Variants in ATP9A observed in about 807,000 individuals in gnomAD.
ATP9A encodes ATPase phospholipid transporting 9A.
Under a neutral mutation model 144.1 loss-of-function variants are expected in ATP9A, and 52 were observed. That is an observed-to-expected ratio of 0.36 (90% CI 0.29 to 0.45). The LOEUF (loss-of-function observed/expected upper bound fraction) is 0.45, where lower values mean the gene tolerates loss of function less well. Among genes scored for constraint, ATP9A ranks in the 20% least tolerant of loss-of-function variants. The pLI is 1.00. For missense variants in ATP9A, 947 were observed against 1,392.7 expected, an observed-to-expected ratio of 0.68 and a Z score of 5.09; for synonymous variants, 582 against 557.4, an observed-to-expected ratio of 1.04 and a Z score of -0.62.
Position 51,608,624 on chromosome 20 carries a change from T to G in ATP9A, c.2639A>C (p.Tyr880Ser). 1 of 1,604,408 alleles carries G rather than the reference T, an allele frequency of 6.2e-7. No homozygotes were observed. The highest frequency in any genetic ancestry group is 2.2e-5 in the East Asian group (1 of 44,820). The change falls in exon 25 of 28, where the codon TAC (tyrosine) becomes TCC (serine). Residue 880 changes from tyrosine (Y) to serine (S), a missense_variant and splice_region_variant. Physicochemically the swap from Tyr to Ser is moderately radical, Grantham distance 144 (BLOSUM62 -2). This residue lies in a region of ATP9A where 177 missense variants were observed against 344.9 expected (regional missense o/e 0.51). Transcript: ENST00000338821. ...AGGAAACATGGTGTAAATTGTGGAG[T>G]ACCTGGGAGAGAAAACCGCCATAGG... ...PLYQGFLIIGYSTIYTMFPVF... is the reference protein window; with the variant it reads ...PLYQGFLIIGSSTIYTMFPVF...
intron 1 of ATP9A, among the ~76,000 whole-genome samples, chr20:51,732,787 G>C (rs2077747617): frequency 6.6e-6 from 1 of 151,990 alleles, no homozygotes; most frequent in Non-Finnish European, 1.5e-5. Context: ...CATTTTGAAT[G>C]AATGGAGGAA....
intron 1 of ATP9A, among the ~76,000 whole-genome samples, chr20:51,760,976 C>T (rs924447864): frequency 5.3e-5 from 8 of 151,938 alleles, no homozygotes; most frequent in Admixed American, 1.3e-4. Flanking sequence ...TGCAGTGAGC[C>T]GAGACTGCGC....
chr20:51,601,907 AAAAAAAAGAG>A (rs1317600336), intron 27 of ATP9A, among the ~76,000 whole-genome samples: 12 of 151,314 alleles, frequency 7.9e-5, no homozygotes, highest in South Asian at 2.1e-4. Flanking sequence ...ACACTGTCTC[AAAAAAAAGAG>A]AAAAAAAGAA....
intron 13 of ATP9A, among the ~76,000 whole-genome samples, chr20:51,665,648 C>T (rs1257532266): frequency 4.0e-5 from 6 of 151,452 alleles, no homozygotes; most frequent in African/African-American, 1.5e-4. Flanking sequence ...CTCTTGAACC[C>T]GGGAGGCAGA....
At chr20:51,719,750 G>GAAAAAT (rs2122859853) in intron 3 of ATP9A, among the ~76,000 whole-genome samples, 2 of 89,540 alleles carry the variant, frequency 2.2e-5, no homozygotes, top group Admixed American at 2.6e-4. Flanking sequence ...AAAAAAGGGG[G>GAAAAAT]GGGAAGAAGA....
At chr20:51,638,121 A>ATATATATATATATATATC (rs2077302889) in intron 15 of ATP9A, among the ~76,000 whole-genome samples, 1 of 103,004 alleles carries the variant, frequency 9.7e-6, no homozygotes, top group Non-Finnish European at 1.9e-5. Context: ...ATATATATAT[A>ATATATATATATATATATC]TATCTCATAG....
intron 9 of ATP9A, among the ~76,000 whole-genome samples, chr20:51,686,223 G>A (rs2077522248): frequency 6.6e-6 from 1 of 151,834 alleles, no homozygotes; most frequent in South Asian, 2.1e-4. Flanking sequence ...TCGTGGCGTG[G>A]GGGAGTGGGG....
chr20:51,723,128 T>C (rs890417038), intron 3 of ATP9A, among the ~76,000 whole-genome samples: 1 of 152,136 alleles, frequency 6.6e-6, no homozygotes, highest in Non-Finnish European at 1.5e-5. Context: ...GAGACTATTA[T>C]TCGAAGTGAA....
chr20:51,735,842 C>T (rs997747544), intron 1 of ATP9A, among the ~76,000 whole-genome samples: 1 of 152,226 alleles, frequency 6.6e-6, no homozygotes, highest in African/African-American at 2.4e-5. Context: ...GTCACTCCTC[C>T]ATTCCCAAAG....
intron 2 of ATP9A, 51 bp from the exon 3 acceptor site, chr20:51,725,983 G>A: frequency 9.3e-7 from 1 of 1,075,334 alleles, no homozygotes; most frequent in Non-Finnish European, 1.4e-6. Flanking sequence ...TGTCTGATGA[G>A]ATCTGGAACA....
At chr20:51,678,768 C>A (rs2077487851) in intron 9 of ATP9A, among the ~76,000 whole-genome samples, 1 of 152,204 alleles carries the variant, frequency 6.6e-6, no homozygotes, top group Non-Finnish European at 1.5e-5. Flanking sequence ...CAAGGGGGAC[C>A]CCAAAGGGAG....
At chr20:51,652,622 T>C (rs145737880) in intron 14 of ATP9A, among the ~76,000 whole-genome samples, 97 of 152,328 alleles carry the variant, frequency 6.4e-4, no homozygotes, top group African/African-American at 9.1e-4. Context: ...GGCATTTATA[T>C]AAACCTATTT....
rs368814670 is a variant in ATP9A, at chr20:51,725,269, C to T, written c.327+550G>A. ...TCACAAGTAGTTGGGACTACAGGCA[C>T]GTCCCACCACACCCCACTAATTTTT... On this transcript the variant is annotated intron_variant, in intron 3 of 27. Coordinates refer to ENST00000338821, the MANE Select transcript of ATP9A (RefSeq NM_006045.3). Among the ~76,000 whole-genome samples the T allele has an allele frequency of 1.4e-4, 21 of 152,146 alleles. 3 individuals carry two copies. The highest frequency in any genetic ancestry group is 2.0e-4 in the Admixed American group (3 of 15,260).
intron 1 of ATP9A, among the ~76,000 whole-genome samples, chr20:51,741,708 C>G (rs2122889563): frequency 6.6e-6 from 1 of 152,344 alleles, no homozygotes; most frequent in East Asian, 1.9e-4. Flanking sequence ...ATACCTCTAG[C>G]TTCTACCTAC....
chr20:51,606,289 A>G (rs946737036), intron 26 of ATP9A, among the ~76,000 whole-genome samples: 3 of 152,210 alleles, frequency 2.0e-5, no homozygotes, highest in Non-Finnish European at 4.4e-5. Flanking sequence ...CCAAATACAC[A>G]TGTTTATTTG....
intron 19 of ATP9A, among the ~76,000 whole-genome samples, chr20:51,620,670 G>T (rs2077223062): frequency 6.6e-6 from 1 of 152,058 alleles, no homozygotes; most frequent in Admixed American, 6.6e-5. Flanking sequence ...AGCCAGCAAA[G>T]AAGCGCTGTG....
At chr20:51,713,596 A>G (rs1193965474) in intron 3 of ATP9A, among the ~76,000 whole-genome samples, 1 of 152,210 alleles carries the variant, frequency 6.6e-6, no homozygotes. Context: ...GGGAACTGCA[A>G]TGTAGGAAAT....
At chr20:51,636,207 T>C (rs529793781) in intron 15 of ATP9A, among the ~76,000 whole-genome samples, 1 of 152,130 alleles carries the variant, frequency 6.6e-6, no homozygotes, top group Admixed American at 6.5e-5. Flanking sequence ...CCTGAGTGAC[T>C]AGCAAGCAGG....
rs2077140885 is a variant in ATP9A at position 51,601,112 on chromosome 20, TACTGCAAAATCC to T, written c.*87_*98del. On this transcript the variant is annotated 3_prime_UTR_variant, in exon 28 of 28. Transcript: ENST00000338821. ...CATTAAAACTGCATGTGTTAGCAAT[TACTGCAAAATCC>T]ACAGGTGGCGGTTAATATAAATGGA... The T allele has an allele frequency of 7.1e-7, 1 of 1,407,458 alleles. No individual in the cohort carries two copies. Among genetic ancestry groups the T allele is most frequent in the South Asian group, 1.5e-5 (1 of 67,042 alleles). 87.2% of individuals were successfully genotyped at this position (1,407,458 alleles called of 1,614,324 possible).
Sources: allele counts gnomAD v4.1 joint callset (sites outside exome capture counted in the v4.1 genomes callset), GRCh38; gene constraint gnomAD v4.1.1; regional missense constraint gnomAD v4.1.1; transcripts MANE v1.5; gene names NCBI Gene and HGNC (gene_info 2026-07-23, HGNC 2026-07-21).